The following DDAH1 variants were observed in gnomAD, a reference collection of about 807,000 sequenced individuals.
DDAH1 encodes dimethylarginine dimethylaminohydrolase 1, also known as N(G),N(G)-dimethylarginine dimethylaminohydrolase 1.
In DDAH1, 19 loss-of-function variants were observed where a neutral mutation model predicts 28.8. The observed-to-expected ratio is 0.66, with a 90% CI of 0.46 to 0.97. The LOEUF (loss-of-function observed/expected upper bound fraction) is 0.97. DDAH1 is among the 50% of genes least tolerant of loss of function. The probability of loss-of-function intolerance (pLI) is 0.00; values close to 1 mark genes in which losing one functional copy is unlikely to be tolerated. For synonymous variants in DDAH1, 153 were observed against 154.4 expected (o/e 0.99, Z 0.07); for missense variants, 326 against 375.9 (o/e 0.87, Z 1.10).
intron 1 of DDAH1, among the ~76,000 whole-genome samples, chr1:85,375,893 G>A (rs945456562): frequency 6.6e-6 from 1 of 152,012 alleles, no homozygotes; most frequent in African/African-American, 2.4e-5. Flanking sequence ...AAGGAAAAAA[G>A]GGAAGAAAAA....
intron 1 of DDAH1, among the ~76,000 whole-genome samples, chr1:85,426,091 A>G (rs1653382621): frequency 6.6e-6 from 1 of 152,180 alleles, no homozygotes; most frequent in Non-Finnish European, 1.5e-5. Context: ...TACATACGTA[A>G]CACTTATAAC....
At chr1:85,525,553 T>C (rs570229925) in intron 1 of DDAH1, among the ~76,000 whole-genome samples, 137 of 98,066 alleles carry the variant, frequency 1.4e-3, no homozygotes, top group African/African-American at 5.0e-3. Context: ...ATTGTACAAC[T>C]GAAAGAATGA....
intron 1 of DDAH1, among the ~76,000 whole-genome samples, chr1:85,543,716 T>C (rs1381326724): frequency 2.0e-5 from 3 of 152,226 alleles, no homozygotes; most frequent in Non-Finnish European, 4.4e-5. Flanking sequence ...AATAATTTGA[T>C]GGGTTTTATC....
chr1:85,405,559 C>T (rs1219716708), intron 1 of DDAH1, among the ~76,000 whole-genome samples: 2 of 151,920 alleles, frequency 1.3e-5, no homozygotes, highest in Admixed American at 1.3e-4. Flanking sequence ...GGGGCTGTAT[C>T]AAGGCATGGT....
chr1:85,377,668 C>G (rs1309769672), intron 1 of DDAH1, among the ~76,000 whole-genome samples: 1 of 152,072 alleles, frequency 6.6e-6, no homozygotes, highest in African/African-American at 2.4e-5. Context: ...TTCACAGATT[C>G]TTTTAGGAAG....
chr1:85,518,504 G>C (rs1255884422), intron 1 of DDAH1, among the ~76,000 whole-genome samples: 1 of 152,084 alleles, frequency 6.6e-6, no homozygotes, highest in Non-Finnish European at 1.5e-5. Flanking sequence ...CCTCTTGCTT[G>C]TCCCTGCACA....
Position 85,321,290 on chromosome 1 carries a change from T to A in DDAH1, c.*162A>T. The A allele has an allele frequency of 2.9e-5, 16 of 552,480 alleles. No homozygotes were observed. The highest frequency in any genetic ancestry group is 4.7e-4 in the Middle Eastern group (1 of 2,112). 34.2% of individuals were successfully genotyped at this position (552,480 alleles called of 1,614,324 possible). A position where few individuals can be genotyped will look rare whatever the true frequency, so the allele number is the denominator to read the frequency against. Reference sequence around the variant, plus strand: ...GGTACCACCTCGAGGGGAGGGAGGGTGGGGGTGTTGAATGAAGCAATTCAA... The same window carrying A: ...GGTACCACCTCGAGGGGAGGGAGGGAGGGGGTGTTGAATGAAGCAATTCAA... On this transcript the variant is annotated 3_prime_UTR_variant, in exon 6 of 6. Coordinates refer to ENST00000284031, the MANE Select transcript of DDAH1 (RefSeq NM_012137.4).
At chr1:85,570,107 A>T (rs1659408906) in intron 1 of DDAH1, among the ~76,000 whole-genome samples, 1 of 152,036 alleles carries the variant, frequency 6.6e-6, no homozygotes, top group Non-Finnish European at 1.5e-5. Flanking sequence ...AATTCTTGAG[A>T]TATTATTATT....
chr1:85,415,663 C>A lies in DDAH1; in HGVS notation c.303+49080G>T, dbSNP rs147664693. Among the ~76,000 whole-genome samples the A allele has an allele frequency of 3.2e-3, 487 of 151,982 alleles. 4 individuals carry two copies. The highest frequency in any genetic ancestry group is 0.01 in the African/African-American group (432 of 41,448). On this transcript the variant is annotated intron_variant, in intron 1 of 5. Transcript: ENST00000284031. ...AGTTCAAAAACAGAAAAAAATGAAA[C>A]ACTATATTATTTGGGGGGAAATAGA...
chr1:85,565,313 A>G (rs1370102595), intron 1 of DDAH1, among the ~76,000 whole-genome samples: 6 of 152,236 alleles, frequency 3.9e-5, no homozygotes, highest in African/African-American at 1.4e-4. Context: ...AATACTGCCA[A>G]CCTAGAAGTC....
intron 4 of DDAH1, among the ~76,000 whole-genome samples, chr1:85,338,908 G>A (rs758295762): frequency 2.0e-5 from 3 of 151,492 alleles, no homozygotes; most frequent in East Asian, 3.9e-4. Flanking sequence ...TTAGCTGGGC[G>A]TGGTTGTATA....
At chr1:85,528,283 A>G (rs1370298642) in intron 1 of DDAH1, among the ~76,000 whole-genome samples, 4 of 151,976 alleles carry the variant, frequency 2.6e-5, no homozygotes, top group African/African-American at 4.8e-5. Flanking sequence ...GCATTCTGGT[A>G]TTTCTATTCC....
chr1:85,408,017 T>C (rs186132874), intron 1 of DDAH1, among the ~76,000 whole-genome samples: 1 of 152,306 alleles, frequency 6.6e-6, no homozygotes, highest in Admixed American at 6.5e-5. Flanking sequence ...TCAAATCAAG[T>C]GCAGGCCCGG....
intron 4 of DDAH1, among the ~76,000 whole-genome samples, chr1:85,347,444 G>T (rs1415648235): frequency 6.6e-6 from 1 of 152,110 alleles, no homozygotes; most frequent in Admixed American, 6.5e-5. Context: ...CCATAAAAAA[G>T]GATGAGTTCA....
chr1:85,331,700 T>C (rs572190319), intron 4 of DDAH1, among the ~76,000 whole-genome samples: 2 of 152,364 alleles, frequency 1.3e-5, no homozygotes, highest in East Asian at 3.9e-4. Flanking sequence ...TTTCATGTTT[T>C]ATAGTCTTTC....
chr1:85,354,283 T>C (rs1278598066), intron 2 of DDAH1, among the ~76,000 whole-genome samples: 1 of 152,142 alleles, frequency 6.6e-6, no homozygotes, highest in Non-Finnish European at 1.5e-5. Context: ...TTTTTTCCTT[T>C]ATCCTTTGTA....
At chr1:85,361,444 A>C (rs1649790091) in intron 1 of DDAH1, among the ~76,000 whole-genome samples, 1 of 152,230 alleles carries the variant, frequency 6.6e-6, no homozygotes, top group Non-Finnish European at 1.5e-5. Context: ...GCAGTGTGGA[A>C]CTTAGCATTA....
chr1:85,347,107 C>T (rs1258940752), intron 4 of DDAH1, among the ~76,000 whole-genome samples: 1 of 152,032 alleles, frequency 6.6e-6, no homozygotes, highest in Non-Finnish European at 1.5e-5. Context: ...ATTAAAAAGT[C>T]AGGAAACAAC....
chr1:85,561,786 A>G (rs1373506185), intron 1 of DDAH1, among the ~76,000 whole-genome samples: 2 of 152,192 alleles, frequency 1.3e-5, no homozygotes, highest in Non-Finnish European at 2.9e-5. Context: ...GGCATTACTA[A>G]ACTCTTGTCA....
Sources: gnomAD v4.1 joint callset for allele counts (sites outside exome capture counted in the v4.1 genomes callset) on GRCh38, gnomAD v4.1.1 for gene constraint, MANE v1.5 for transcripts, NCBI Gene and HGNC (gene_info 2026-07-23, HGNC 2026-07-21) for gene names.